DYNC2H1: variants seen among roughly 807,000 people sequenced by gnomAD.
DYNC2H1 encodes dynein cytoplasmic 2 heavy chain 1.
In DYNC2H1, 410 loss-of-function variants were observed where a neutral mutation model predicts 570.0. That is an observed-to-expected ratio of 0.72 (90% CI 0.66 to 0.78). DYNC2H1 has a LOEUF of 0.78. Ranked by LOEUF, DYNC2H1 falls within the 30% of genes least tolerant of loss-of-function variation. The pLI, the probability that DYNC2H1 is intolerant of heterozygous loss-of-function variation, is 0.00. For missense variants in DYNC2H1, 4,865 were observed against 5,046.4 expected (o/e 0.96, Z 1.09); for synonymous variants, 1,688 against 1,677.6 (o/e 1.01, Z -0.15).
At chr11:103,290,933 A>G (rs932544227) in intron 75 of DYNC2H1, among the ~76,000 whole-genome samples, 2 of 152,168 alleles carry the variant, frequency 1.3e-5, no homozygotes, top group African/African-American at 4.8e-5. Context: ...GATTTACTCA[A>G]TTTAGGTTAC....
Position 103,243,812 on chromosome 11 carries a change from A to G in DYNC2H1, c.9918+21A>G. The G allele has an allele frequency of 6.6e-7, 1 of 1,524,944 alleles. No individual in the cohort carries two copies. Among genetic ancestry groups the G allele is most frequent in the East Asian group, 2.4e-5 (1 of 41,676 alleles). 94.5% of individuals were successfully genotyped at this position (1,524,944 alleles called of 1,614,324 possible). ...AGCAGGTATGTATTATTTATAATTT[A>G]CATACCAATTAGGAATGACCTCTTA... On this transcript the variant is annotated intron_variant, in intron 64 of 88. Transcript: ENST00000375735. This position sits in a 1 kb window ranked among gnomAD's most constrained non-coding sequence, Gnocchi z 4.8.
chr11:103,147,668 T>G (rs1401094901), intron 18 of DYNC2H1, 104 bp from the exon 19 acceptor site: 1 of 690,826 alleles, frequency 1.4e-6, no homozygotes, highest in Non-Finnish European at 2.4e-6. Context: ...ACTGCTGACA[T>G]ACATTTTTAA....
chr11:103,377,168 A>T (rs2135569361), intron 83 of DYNC2H1, among the ~76,000 whole-genome samples: 1 of 152,284 alleles, frequency 6.6e-6, no homozygotes, highest in South Asian at 2.1e-4. Context: ...AGACTTGGGA[A>T]GTTTTCAGCT....
intron 70 of DYNC2H1, among the ~76,000 whole-genome samples, chr11:103,265,663 A>G (rs935818708): frequency 6.6e-6 from 1 of 152,084 alleles, no homozygotes; most frequent in African/African-American, 2.4e-5. Context: ...TATGAATTCT[A>G]TTTCTGTCAT....
Position 103,148,633 on chromosome 11 carries a change from T to C in DYNC2H1, c.2946+16T>C, listed in dbSNP as rs767276261. The C allele has an allele frequency of 2.1e-5, 32 of 1,544,788 alleles. No homozygotes were observed. The Admixed American group carries it at 6.5e-4, about 32-fold the overall frequency. On this transcript the variant is annotated intron_variant, in intron 20 of 88. Transcript: ENST00000375735. ...GAAGCCAGAGGTGAGAATCACAAAG[T>C]AAAATTATTATTATTACTTTTTACT...
chr11:103,210,312 C>T (rs1339127250), intron 53 of DYNC2H1, among the ~76,000 whole-genome samples: 1 of 151,962 alleles, frequency 6.6e-6, no homozygotes, highest in East Asian at 1.9e-4. Flanking sequence ...GCACAGAACT[C>T]TATAATTTAT....
rs2134753811 is a variant in DYNC2H1 at position 103,129,941 on chromosome 11, G to T, written c.1953+936G>T. Among the ~76,000 whole-genome samples the T allele has an allele frequency of 6.6e-6, 1 of 152,242 alleles. No homozygotes were observed. The highest frequency in any genetic ancestry group is 1.9e-4 in the East Asian group (1 of 5,182). On this transcript the variant is annotated intron_variant, in intron 13 of 88. Transcript: ENST00000375735. This position sits in a 1 kb window ranked among gnomAD's most constrained non-coding sequence, Gnocchi z 4.1. Reference sequence around the variant, plus strand: ...GCTCAGAGGATCCACAGTACTCAGTGTATGGTCATACTCATAGCAGTATTT... The same window carrying T: ...GCTCAGAGGATCCACAGTACTCAGTTTATGGTCATACTCATAGCAGTATTT...
rs999283751 is a variant in DYNC2H1, at chr11:103,129,209, T to G, written c.1953+204T>G. 9.9e-5 allele frequency among the ~76,000 whole-genome samples: 15 copies of G among 152,254 alleles called. No homozygotes were observed. Among genetic ancestry groups the G allele is most frequent in the African/African-American group, 3.6e-4 (15 of 41,468 alleles). On this transcript the variant is annotated intron_variant, in intron 13 of 88. Coordinates refer to ENST00000375735, the MANE Select transcript of DYNC2H1 (RefSeq NM_001377.3). This position sits in a 1 kb window ranked among gnomAD's most constrained non-coding sequence, Gnocchi z 4.1. ...TAGAATATTTCATATATTTTGGTACTGATTTCGATCAATTGCATTGATATA... is the reference window on the plus strand; with the variant it reads ...TAGAATATTTCATATATTTTGGTACGGATTTCGATCAATTGCATTGATATA...
In DYNC2H1 at chr11:103,253,301, A is replaced by G; in HGVS notation, c.10059A>G (p.Val3353=). ...TTTAAATAGGACCACGTTATGTGGT[A>G]CAAATAGGTGACAAAATTATTGACT... ...DLVAQGPRYV[V]QIGDKIIDYN... is the part of the protein sequence containing the mutation. Residue 3353 remains valine, a synonymous_variant, in exon 66 of 89, where the codon GTA becomes GTG. Transcript: ENST00000375735. 1.9e-6 allele frequency: 3 copies of G among 1,612,794 alleles called. No individual in the cohort carries two copies. The highest frequency in any genetic ancestry group is 2.5e-6 in the Non-Finnish European group (3 of 1,179,164).
intron 83 of DYNC2H1, among the ~76,000 whole-genome samples, chr11:103,392,894 T>A (rs1189404681): frequency 6.6e-6 from 1 of 151,628 alleles, no homozygotes; most frequent in African/African-American, 2.4e-5. Flanking sequence ...CTATTTTTTT[T>A]TTTTTTGAAA....
chr11:103,236,680 C>A, intron 63 of DYNC2H1, 141 bp downstream of exon 63: 1 of 475,956 alleles, frequency 2.1e-6, no homozygotes, highest in Non-Finnish European at 3.7e-6. Flanking sequence ...GAAAACCCAT[C>A]AATGATTCAG....
chr11:103,282,216 T>C lies in DYNC2H1; in HGVS notation c.10799T>C (p.Met3600Thr). Residue 3600 changes from methionine (M) to threonine (T), a missense_variant, in exon 72 of 89, where the codon ATG (methionine) becomes ACG (threonine). Coordinates refer to ENST00000375735, the MANE Select transcript of DYNC2H1 (RefSeq NM_001377.3). ...TTTACAGGTGTGGTTGTTGGAGACA[T>C]GTTACGGAAAGCTGTAAGTTAAAAT... ...DTFTGVVVGD[M>T]LRKADSQQKI... 1 of 1,608,802 alleles carries C rather than the reference T, an allele frequency of 6.2e-7. No homozygotes were observed. Among genetic ancestry groups the C allele is most frequent in the Non-Finnish European group, 8.5e-7 (1 of 1,177,814 alleles).
At chr11:103,455,486 G>T (rs930684981) in intron 86 of DYNC2H1, among the ~76,000 whole-genome samples, 191 bp downstream of exon 86, 6 of 151,950 alleles carry the variant, frequency 3.9e-5, no homozygotes, top group African/African-American at 1.2e-4. Context: ...TTTTAATGAT[G>T]ATATGTTTTA....
rs1945675894 is a variant in DYNC2H1, at chr11:103,479,458, CAG to C, written c.*208_*209del. ...TAAATTAATGGAGTTATTGTTAAAA[CAG>C]AGTATTCTTTTGACAACATTAAATA... On this transcript the variant is annotated 3_prime_UTR_variant, in exon 89 of 89. Transcript: ENST00000375735. The C allele has an allele frequency of 2.2e-6, 1 of 459,516 alleles. No individual in the cohort carries two copies. The highest frequency in any genetic ancestry group is 6.2e-4 in the Middle Eastern group (1 of 1,616). The allele number at this position is 459,516 out of a possible 1,614,324, so 28.5% of individuals were successfully genotyped here.
In DYNC2H1 at chr11:103,133,679, G is replaced by C; in HGVS notation, c.2078G>C (p.Arg693Thr). ...CTTGCCACTGAAAATAGAAAACTGA[G>C]AAAATGGCACACTACATTTTGTGAA... Reference protein sequence around the residue: ...ERLATENRKLRKWHTTFCEKV... With the variant: ...ERLATENRKLTKWHTTFCEKV... The change falls in exon 14 of 89, where the codon AGA (arginine) becomes ACA (threonine). Residue 693 changes from arginine to threonine, a missense_variant. Around this residue, in one of 5 missense-constraint regions of DYNC2H1, gnomAD observed 1,936 missense variants for 1,962.1 expected, o/e 0.99. Coordinates refer to ENST00000375735, the MANE Select transcript of DYNC2H1 (RefSeq NM_001377.3). The surrounding 1 kb of genome is among the most constrained non-coding windows in gnomAD (Gnocchi z 4.8). 2.5e-6 allele frequency: 4 copies of C among 1,611,068 alleles called. No individual in the cohort carries two copies. The highest frequency in any genetic ancestry group is 3.4e-6 in the Non-Finnish European group (4 of 1,178,480).
rs1011572733 is a variant in DYNC2H1, at chr11:103,334,437, A to G, written c.12039+10447A>G. Among the ~76,000 whole-genome samples, 8 of 152,186 alleles carry G rather than the reference A, an allele frequency of 5.3e-5. No individual in the cohort carries two copies. The highest frequency in any genetic ancestry group is 2.9e-5 in the Non-Finnish European group (2 of 68,004). On this transcript the variant is annotated intron_variant, in intron 82 of 88. Transcript: ENST00000375735. This position sits in a 1 kb window ranked among gnomAD's most constrained non-coding sequence, Gnocchi z 4.3. ...GTAAATTGGATAAATCAGTTTGCAA[A>G]TTATAAATATCAAATGTAAAATTTG...
chr11:103,316,396 G>C (rs1390233811), intron 79 of DYNC2H1, 149 bp from the exon 80 acceptor site: 1 of 519,888 alleles, frequency 1.9e-6, no homozygotes, highest in Non-Finnish European at 3.3e-6. Context: ...TGTTACTTTA[G>C]ATTTATTATG....
At chr11:103,214,802 T>G (rs977179977) in intron 54 of DYNC2H1, among the ~76,000 whole-genome samples, 3 of 151,690 alleles carry the variant, frequency 2.0e-5, no homozygotes, top group African/African-American at 7.3e-5. Flanking sequence ...TTTTTTTTTT[T>G]TTCCTATCTT....
rs1945009994 is a variant in DYNC2H1, at chr11:103,461,499, G to A, written c.12648+5143G>A. ...TGTGTTAAATAGTACTTGAAAACTT[G>A]ATATTGCAAAATACATAAATCAAGC... is the stretch of plus-strand genomic sequence containing the variant. On this transcript the variant is annotated intron_variant, in intron 87 of 88. Transcript: ENST00000375735. The surrounding 1 kb of genome is among the most constrained non-coding windows in gnomAD (Gnocchi z 4.8). Among the ~76,000 whole-genome samples, 1 of 152,070 alleles carries A rather than the reference G, an allele frequency of 6.6e-6. No homozygotes were observed. Among genetic ancestry groups the A allele is most frequent in the African/African-American group, 2.4e-5 (1 of 41,388 alleles).
Sources: allele counts gnomAD v4.1 joint callset (sites outside exome capture counted in the v4.1 genomes callset), GRCh38; gene constraint gnomAD v4.1.1; regional missense constraint gnomAD v4.1.1; non-coding constraint Gnocchi (gnomAD v3.1); transcripts MANE v1.5; gene names NCBI Gene and HGNC (gene_info 2026-07-23, HGNC 2026-07-21).